Variants in ABCA12 observed in about 807,000 individuals in gnomAD.
ABCA12 encodes the protein glucosylceramide transporter ABCA12.
In ABCA12, 156 loss-of-function variants were observed where a neutral mutation model predicts 293.5. The observed-to-expected ratio is 0.53, with a 90% CI of 0.47 to 0.61. The LOEUF (loss-of-function observed/expected upper bound fraction) is 0.61. Among genes scored for constraint, ABCA12 ranks in the 20% least tolerant of loss-of-function variants. The pLI is 0.00. For synonymous variants in ABCA12, 1,063 were observed against 1,108.0 expected (o/e 0.96, Z 0.81); for missense variants, 2,797 against 3,090.2 (o/e 0.91, Z 2.25).
intron 6 of ABCA12, among the ~76,000 whole-genome samples, chr2:215,048,958 C>T (rs936097588): frequency 2.6e-5 from 4 of 152,094 alleles, no homozygotes; most frequent in Admixed American, 6.6e-5. Flanking sequence ...ATGACGAGAA[C>T]ACGTGGACAC....
Position 214,992,473 on chromosome 2 carries a change from A to AC in ABCA12, c.3295-1443_3295-1442insG, listed in dbSNP as rs1394590474. On this transcript the variant is annotated intron_variant, in intron 23 of 52. Transcript: ENST00000272895. Reference sequence around the variant, plus strand: ...GAAAAAAAAAAAATGAAAAAAAAAAAAAAACAATTCATGATTAATGTTAAG... The same window carrying AC: ...GAAAAAAAAAAAATGAAAAAAAAAAACAAAACAATTCATGATTAATGTTAAG... Among the ~76,000 whole-genome samples the AC allele has an allele frequency of 2.7e-5, 4 of 149,242 alleles. 1 individual carries two copies. The highest frequency in any genetic ancestry group is 6.7e-5 in the Admixed American group (1 of 15,014).
intron 17 of ABCA12, 91 bp downstream of exon 17, chr2:215,011,348 A>G (rs1700367246): frequency 2.2e-6 from 2 of 917,374 alleles, no homozygotes; most frequent in Admixed American, 2.2e-5. Flanking sequence ...GAAAATTAAT[A>G]CTTCATTTAT....
chr2:215,070,370 G>A lies in ABCA12; in HGVS notation c.164-6151C>T, dbSNP rs537435939. ...TCATTCTTCTATTTTTTAAAAAATC[G>A]TTCATCTTTTTTTTAAATGTTTTTA... On this transcript the variant is annotated intron_variant, in intron 2 of 52. Transcript: ENST00000272895. 1.4e-3 allele frequency among the ~76,000 whole-genome samples: 210 copies of A among 151,960 alleles called. 1 individual carries two copies. Among genetic ancestry groups the A allele is most frequent in the Middle Eastern group, 6.8e-3 (2 of 294 alleles).
intron 20 of ABCA12, 48 bp from the exon 21 acceptor site, chr2:215,001,785 C>T (rs759983073): frequency 3.2e-6 from 5 of 1,544,200 alleles, no homozygotes; most frequent in Non-Finnish European, 4.4e-6. Context: ...GGTCCTGATT[C>T]TGGTCGTAAT....
intron 15 of ABCA12, 74 bp downstream of exon 15, chr2:215,015,416 G>C: frequency 3.6e-6 from 5 of 1,384,824 alleles, no homozygotes; most frequent in Non-Finnish European, 5.0e-6. Flanking sequence ...CATAGTATCA[G>C]AGAACATAAA....
chr2:214,952,554 T>C (rs1277086269), intron 44 of ABCA12, among the ~76,000 whole-genome samples: 1 of 152,178 alleles, frequency 6.6e-6, no homozygotes, highest in African/African-American at 2.4e-5. Context: ...TGCCTAGTCC[T>C]ATAGGCTTTT....
chr2:215,023,966 C>G (rs1026674100), intron 11 of ABCA12, among the ~76,000 whole-genome samples: 4 of 152,224 alleles, frequency 2.6e-5, no homozygotes, highest in Non-Finnish European at 4.4e-5. Flanking sequence ...CAGCCTCACC[C>G]TGCAGCCCTG....
At chr2:215,125,755 C>A in intron 1 of ABCA12, among the ~76,000 whole-genome samples, 1 of 152,154 alleles carries the variant, frequency 6.6e-6, no homozygotes, top group East Asian at 1.9e-4. Context: ...GACAGTTTGA[C>A]TTCCTCTTTA....
intron 23 of ABCA12, 90 bp from the exon 24 acceptor site, chr2:214,991,121 G>T: frequency 8.5e-7 from 1 of 1,174,478 alleles, no homozygotes. Flanking sequence ...TGTCATGATA[G>T]TCTCTCTGTA....
At chr2:214,956,610 TA>T in intron 42 of ABCA12, 52 bp downstream of exon 42, 4 of 1,309,594 alleles carry the variant, frequency 3.1e-6, no homozygotes, top group Non-Finnish European at 4.4e-6. Context: ...TATTTGTGTC[TA>T]GGGGCATTTA....
chr2:215,070,764 TA>T (rs1422334167), intron 2 of ABCA12, among the ~76,000 whole-genome samples: 1 of 152,084 alleles, frequency 6.6e-6, no homozygotes, highest in African/African-American at 2.4e-5. Context: ...GAATCTGGTT[TA>T]CAAGGTCATC....
chr2:214,947,416 T>A lies in ABCA12; in HGVS notation c.7239+6A>T. 6.2e-7 allele frequency: 1 copy of A among 1,613,824 alleles called. No individual in the cohort carries two copies. The highest frequency in any genetic ancestry group is 8.5e-7 in the Non-Finnish European group (1 of 1,179,756). On this transcript the variant is annotated splice_donor_region_variant and intron_variant, in intron 48 of 52. Coordinates refer to ENST00000272895, the MANE Select transcript of ABCA12 (RefSeq NM_173076.3). ...GAGTGGCCTGTTTAAATAATGATTCTCTTACCAGCAGTAGAATGGAAGGTT... is the reference window on the plus strand; with the variant it reads ...GAGTGGCCTGTTTAAATAATGATTCACTTACCAGCAGTAGAATGGAAGGTT...
At chr2:215,121,295 T>G (rs551629742) in intron 1 of ABCA12, among the ~76,000 whole-genome samples, 123 of 152,340 alleles carry the variant, frequency 8.1e-4, no homozygotes, top group African/African-American at 2.6e-3. Context: ...TACTATACTT[T>G]TATTAATTGA....
intron 3 of ABCA12, among the ~76,000 whole-genome samples, chr2:215,054,868 T>C (rs1445491247): frequency 1.3e-5 from 2 of 152,010 alleles, no homozygotes; most frequent in Admixed American, 1.3e-4. Flanking sequence ...TCAGAGAAAA[T>C]GGCCTAGATG....
At position 215,012,068 on chromosome 2, in the gene ABCA12, TC is replaced by T. The variant is rs1370978206; in HGVS notation, c.2023del (p.Glu675ArgfsTer14). The part of the protein sequence containing the change: ...KMMELFIRLK[E>X]ILNQMASGTH... ...GCCAGAAGCCATCTGATTGAGAATC[TC>T]TTTTAGTCTTATGAAGAGCTCCATC... On this transcript the variant is annotated frameshift_variant, in exon 16 of 53. Coordinates refer to ENST00000272895, the MANE Select transcript of ABCA12 (RefSeq NM_173076.3). LOFTEE classifies it high-confidence loss of function. 2 of 1,614,046 alleles carry T rather than the reference TC, an allele frequency of 1.2e-6. No homozygotes were observed. Among genetic ancestry groups the T allele is most frequent in the Non-Finnish European group, 1.7e-6 (2 of 1,179,930 alleles).
At position 215,037,084 on chromosome 2, in the gene ABCA12, A is replaced by G; in HGVS notation, c.873-19T>C. 6.3e-7 allele frequency: 1 copy of G among 1,595,820 alleles called. No individual in the cohort carries two copies. Among genetic ancestry groups the G allele is most frequent in the Non-Finnish European group, 8.6e-7 (1 of 1,163,452 alleles). ...CAGCACACTAAGGAGTCAAAAAGCAATTAAACCAGATTCTGTTTCAAGGTT... is the reference window on the plus strand; with the variant it reads ...CAGCACACTAAGGAGTCAAAAAGCAGTTAAACCAGATTCTGTTTCAAGGTT... On this transcript the variant is annotated intron_variant, in intron 7 of 52. Transcript: ENST00000272895.
In ABCA12 at chr2:215,052,457, T is replaced by G. The variant is rs16853246; in HGVS notation, c.507+30A>C. On this transcript the variant is annotated intron_variant, in intron 5 of 52. Transcript: ENST00000272895. ...ACCTAAAAGGCCTATGTTGAATCAC[T>G]CTACCCATTACAAAATTGAATCAAG... 0.011 allele frequency: 17,478 copies of G among 1,570,352 alleles called. 1,614 individuals carry two copies. The African/African-American group carries it at 0.2, about 18-fold the overall frequency.
chr2:215,129,279 C>T lies in ABCA12; in HGVS notation c.69+8861G>A, dbSNP rs574479298. ...TCACAGTTTTGGAAGGGTCTCGGAT[C>T]CTTCAGGAGCAGTCCACTTCCTTCA... is the stretch of plus-strand genomic sequence containing the variant. On this transcript the variant is annotated intron_variant, in intron 1 of 52. Coordinates refer to ENST00000272895, the MANE Select transcript of ABCA12 (RefSeq NM_173076.3). Among the ~76,000 whole-genome samples, 82 of 152,280 alleles carry T rather than the reference C, an allele frequency of 5.4e-4. No homozygotes were observed. In the South Asian group the frequency reaches 0.017, roughly 31 times the overall value.
chr2:215,012,733 T>C (rs1700404826), intron 15 of ABCA12, among the ~76,000 whole-genome samples: 1 of 152,172 alleles, frequency 6.6e-6, no homozygotes. Context: ...CAATTCTGTA[T>C]ATTTACTAAA....
Sources: allele counts gnomAD v4.1 joint callset (sites outside exome capture counted in the v4.1 genomes callset), GRCh38; gene constraint gnomAD v4.1.1; transcripts MANE v1.5; gene names NCBI Gene and HGNC (gene_info 2026-07-23, HGNC 2026-07-21).